The following LRFN5 variants were observed in gnomAD, a reference collection of about 807,000 sequenced individuals.
LRFN5 encodes the protein leucine-rich repeat and fibronectin type-III domain-containing protein 5.
In LRFN5, 24 loss-of-function variants were observed where a neutral mutation model predicts 45.6. That is an observed-to-expected ratio of 0.53 (90% confidence interval 0.38 to 0.74). The LOEUF (loss-of-function observed/expected upper bound fraction) is 0.74. Ranked by LOEUF, LRFN5 falls within the 30% of genes least tolerant of loss-of-function variation. The pLI, the probability that LRFN5 is intolerant of heterozygous loss-of-function variation, is 0.00. For synonymous variants in LRFN5, 340 were observed against 313.8 expected (o/e 1.08, Z -0.88); for missense variants, 776 against 861.5 (o/e 0.90, Z 1.24).
At chr14:41,674,454 G>T (rs1487975547) in intron 1 of LRFN5, among the ~76,000 whole-genome samples, 11 of 142,430 alleles carry the variant, frequency 7.7e-5, no homozygotes, top group African/African-American at 2.9e-4. Flanking sequence ...AGGGGCGGCC[G>T]GGCAGAGGCG....
At chr14:41,720,680 C>T (rs1347493915) in intron 1 of LRFN5, among the ~76,000 whole-genome samples, 5 of 151,882 alleles carry the variant, frequency 3.3e-5, no homozygotes, top group African/African-American at 7.2e-5. Context: ...TTTCCATGTG[C>T]TTGTGTGGTT....
chr14:41,898,806 T>A, intron 4 of LRFN5, 111 bp from the exon 5 acceptor site: 1 of 994,208 alleles, frequency 1.0e-6, no homozygotes, highest in South Asian at 1.5e-5. Flanking sequence ...TTTAGATAAA[T>A]CTTTGTTAAT....
At chr14:41,865,203 A>G (rs1419715486) in intron 2 of LRFN5, among the ~76,000 whole-genome samples, 1 of 152,082 alleles carries the variant, frequency 6.6e-6, no homozygotes, top group Non-Finnish European at 1.5e-5. Context: ...CATCCCACAA[A>G]AAAACCATAC....
intron 2 of LRFN5, among the ~76,000 whole-genome samples, chr14:41,792,473 C>G (rs1315416131): frequency 6.6e-6 from 1 of 152,010 alleles, no homozygotes; most frequent in Non-Finnish European, 1.5e-5. Flanking sequence ...CAGTCCTTAT[C>G]TCAACCACAT....
chr14:41,802,430 A>T (rs764878038), intron 2 of LRFN5, among the ~76,000 whole-genome samples: 1 of 152,188 alleles, frequency 6.6e-6, no homozygotes, highest in Non-Finnish European at 1.5e-5. Context: ...AAGGAATTCC[A>T]TCAGGTATGA....
chr14:41,903,133 T>C (rs933246974), intron 5 of LRFN5, among the ~76,000 whole-genome samples: 1 of 151,566 alleles, frequency 6.6e-6, no homozygotes, highest in East Asian at 1.9e-4. Context: ...AATTTCACTA[T>C]TCAGATTATC....
chr14:41,813,912 G>A (rs1326117546), intron 2 of LRFN5, among the ~76,000 whole-genome samples: 4 of 152,150 alleles, frequency 2.6e-5, no homozygotes, highest in Admixed American at 6.6e-5. Flanking sequence ...CTAATGACCA[G>A]TGATGATGAG....
intron 2 of LRFN5, among the ~76,000 whole-genome samples, chr14:41,816,941 G>A (rs1460786885): frequency 6.7e-6 from 1 of 148,612 alleles, no homozygotes; most frequent in Non-Finnish European, 1.5e-5. Context: ...TCTCAGTTTG[G>A]GGTTGTTTTG....
chr14:41,750,191 C>T (rs2138840781), intron 1 of LRFN5, among the ~76,000 whole-genome samples: 2 of 150,756 alleles, frequency 1.3e-5, no homozygotes, highest in South Asian at 4.2e-4. Context: ...TGTTTACATC[C>T]TGTATAATGT....
intron 2 of LRFN5, among the ~76,000 whole-genome samples, chr14:41,841,489 G>A (rs893979531): frequency 6.6e-6 from 1 of 151,906 alleles, no homozygotes; most frequent in Non-Finnish European, 1.5e-5. Flanking sequence ...ACCATTTTGT[G>A]TCTGGTTTCT....
chr14:41,893,687 A>T, intron 4 of LRFN5: 1 of 985,374 alleles, frequency 1.0e-6, no homozygotes, highest in Non-Finnish European at 1.2e-6. Flanking sequence ...TACACAATGT[A>T]TCATGATGCC....
intron 1 of LRFN5, among the ~76,000 whole-genome samples, chr14:41,611,936 ATGGATTT>A (rs1887772496): frequency 6.6e-6 from 1 of 152,180 alleles, no homozygotes; most frequent in African/African-American, 2.4e-5. Context: ...CTGTCATTAA[ATGGATTT>A]TGGGTGTTAA....
At chr14:41,808,434 T>G (rs1424379027) in intron 2 of LRFN5, among the ~76,000 whole-genome samples, 6 of 62,030 alleles carry the variant, frequency 9.7e-5, no homozygotes, top group South Asian at 4.7e-4. Context: ...GAAGGAAGAA[T>G]CGAGGGAGGG....
At chr14:41,753,374 A>G (rs61992409) in intron 1 of LRFN5, among the ~76,000 whole-genome samples, 1 of 152,128 alleles carries the variant, frequency 6.6e-6, no homozygotes, top group Admixed American at 6.6e-5. Flanking sequence ...CCATTTTCAC[A>G]ATATTGCTTA....
chr14:41,772,116 C>T (rs531896487), intron 2 of LRFN5, among the ~76,000 whole-genome samples: 5 of 152,052 alleles, frequency 3.3e-5, no homozygotes, highest in African/African-American at 9.6e-5. Flanking sequence ...AACAAGAGAG[C>T]GAGGGGGGAG....
intron 1 of LRFN5, among the ~76,000 whole-genome samples, chr14:41,636,469 A>G (rs1879311484): frequency 6.6e-6 from 1 of 152,026 alleles, no homozygotes; most frequent in African/African-American, 2.4e-5. Context: ...TACTATGGGT[A>G]TTTGTTATGG....
intron 1 of LRFN5, among the ~76,000 whole-genome samples, chr14:41,624,941 T>G (rs1276651292): frequency 6.6e-6 from 1 of 152,020 alleles, no homozygotes; most frequent in Non-Finnish European, 1.5e-5. Context: ...TTGCAAAGAG[T>G]TGACTATTTC....
In LRFN5 at chr14:41,781,610, AAGAAAGAG is replaced by A. The variant is rs1427062757; in HGVS notation, c.-21+14583_-21+14590del. On this transcript the variant is annotated intron_variant, in intron 2 of 5. Coordinates refer to ENST00000298119, the MANE Select transcript of LRFN5 (RefSeq NM_152447.5). ...AAAGAAAGAAAGAAAGAAAGAAAGA[AAGAAAGAG>A]AAAGAAAGAAAGAAAGGAAAGAAAG... Among the ~76,000 whole-genome samples the A allele has an allele frequency of 5.8e-4, 56 of 96,058 alleles. 1 individual carries two copies. Among genetic ancestry groups the A allele is most frequent in the Non-Finnish European group, 1.0e-3 (49 of 48,282 alleles). 63.0% of individuals were successfully genotyped at this position (96,058 alleles called of 152,430 possible).
At chr14:41,617,143 G>T (rs1246288903) in intron 1 of LRFN5, among the ~76,000 whole-genome samples, 1 of 152,112 alleles carries the variant, frequency 6.6e-6, no homozygotes, top group African/African-American at 2.4e-5. Flanking sequence ...GATGAGGATA[G>T]CACTCAAAGA....
Sources: gnomAD v4.1 joint callset for allele counts (sites outside exome capture counted in the v4.1 genomes callset) on GRCh38, gnomAD v4.1.1 for gene constraint, MANE v1.5 for transcripts, NCBI Gene and HGNC (gene_info 2026-07-23, HGNC 2026-07-21) for gene names.